CERS6: variants seen among roughly 807,000 people sequenced by gnomAD.
The protein encoded by CERS6 is ceramide synthase 6.
CERS6 carries 26 observed loss-of-function variants against 56.8 expected under a neutral mutation model. That is an observed-to-expected ratio of 0.46 (90% CI 0.34 to 0.63). CERS6 has a LOEUF of 0.63. Among genes scored for constraint, CERS6 ranks in the 30% least tolerant of loss-of-function variants. The pLI, the probability that CERS6 is intolerant of heterozygous loss-of-function variation, is 0.01. For synonymous variants in CERS6, 164 were observed against 173.3 expected, an observed-to-expected ratio of 0.95 and a Z score of 0.42; for missense variants, 415 against 467.5, an observed-to-expected ratio of 0.89 and a Z score of 1.04.
chr2:168,655,846 A>G (rs900399431), intron 4 of CERS6, among the ~76,000 whole-genome samples: 2 of 152,228 alleles, frequency 1.3e-5, no homozygotes, highest in Non-Finnish European at 2.9e-5. Context: ...TTTTTGTTAA[A>G]TAAGTAGATC....
chr2:168,670,973 C>A (rs529240287), intron 4 of CERS6, among the ~76,000 whole-genome samples: 2,380 of 65,844 alleles, frequency 0.036, 285 homozygotes, highest in African/African-American at 0.064. Context: ...GCTTCCCCCC[C>A]CCCCCCCAGA....
rs577578883 is a variant in CERS6, at chr2:168,471,513, A to C, written c.170+14895A>C. On this transcript the variant is annotated intron_variant, in intron 1 of 9. Coordinates refer to ENST00000305747, the MANE Select transcript of CERS6 (RefSeq NM_203463.3). ...GTTTTAGGCTGTTTTTCTGATTTCT[A>C]AAAAGGAAATAAATTTGAGTTATTT... 7.8e-4 allele frequency among the ~76,000 whole-genome samples: 119 copies of C among 152,070 alleles called. 1 individual carries two copies. The highest frequency in any genetic ancestry group is 2.3e-3 in the African/African-American group (95 of 41,550).
intron 4 of CERS6, among the ~76,000 whole-genome samples, chr2:168,682,052 G>T (rs969593103): frequency 2.0e-5 from 3 of 151,958 alleles, no homozygotes; most frequent in Admixed American, 1.3e-4. Context: ...CCATATCTTG[G>T]CTATTGTGAA....
chr2:168,756,466 A>G (rs1684418728), intron 8 of CERS6, among the ~76,000 whole-genome samples: 1 of 152,236 alleles, frequency 6.6e-6, no homozygotes, highest in Admixed American at 6.5e-5. Flanking sequence ...ATTTTCAGTA[A>G]TGGAGACAAT....
chr2:168,682,599 T>C (rs140390657), intron 4 of CERS6, among the ~76,000 whole-genome samples: 58 of 152,276 alleles, frequency 3.8e-4, no homozygotes, highest in African/African-American at 1.2e-3. Flanking sequence ...ATTTCTGCTC[T>C]TTCTCCAGAG....
At chr2:168,657,732 A>G (rs1574135649) in intron 4 of CERS6, among the ~76,000 whole-genome samples, 1 of 152,196 alleles carries the variant, frequency 6.6e-6, no homozygotes, top group Admixed American at 6.5e-5. Context: ...GGCTGCTCCG[A>G]GTGCGGGGCC....
At chr2:168,694,919 A>G (rs770975819) in intron 5 of CERS6, 40 bp from the exon 6 acceptor site, 3 of 1,520,834 alleles carry the variant, frequency 2.0e-6, no homozygotes, top group African/African-American at 2.8e-5. Flanking sequence ...TGGGTTCCCT[A>G]TTAACTACTA....
chr2:168,768,652 T>C (rs1684782903), intron 9 of CERS6, among the ~76,000 whole-genome samples: 1 of 152,048 alleles, frequency 6.6e-6, no homozygotes, highest in African/African-American at 2.4e-5. Flanking sequence ...ACACCTGTAA[T>C]CCCAACACTT....
At chr2:168,563,169 G>GC (rs1309663259) in intron 3 of CERS6, among the ~76,000 whole-genome samples, 1 of 152,164 alleles carries the variant, frequency 6.6e-6, no homozygotes, top group Non-Finnish European at 1.5e-5. Context: ...TGGGATGGCA[G>GC]CATTTTTAAC....
intron 1 of CERS6, among the ~76,000 whole-genome samples, chr2:168,496,731 G>A (rs1351487925): frequency 6.6e-6 from 1 of 152,140 alleles, no homozygotes; most frequent in Admixed American, 6.6e-5. Flanking sequence ...CTTGTTTCTA[G>A]TAGTAGCTCT....
intron 4 of CERS6, among the ~76,000 whole-genome samples, chr2:168,645,136 T>TAG (rs1685155810): frequency 5.6e-5 from 2 of 35,492 alleles, no homozygotes; most frequent in African/African-American, 1.4e-4. Flanking sequence ...TATATATATA[T>TAG]ATATATAGAG....
intron 8 of CERS6, among the ~76,000 whole-genome samples, chr2:168,756,681 C>T (rs1229865062): frequency 2.6e-5 from 4 of 152,118 alleles, no homozygotes; most frequent in Non-Finnish European, 4.4e-5. Context: ...GATGTGTGTC[C>T]TCCATCATAA....
At chr2:168,524,780 C>T (rs927260885) in intron 1 of CERS6, among the ~76,000 whole-genome samples, 2 of 151,780 alleles carry the variant, frequency 1.3e-5, no homozygotes, top group Non-Finnish European at 2.9e-5. Flanking sequence ...ACACATCTCT[C>T]TTTAAAAAGG....
intron 3 of CERS6, among the ~76,000 whole-genome samples, chr2:168,596,082 CA>C (rs11416261): frequency 3.1e-4 from 43 of 138,820 alleles, no homozygotes; most frequent in Non-Finnish European, 3.6e-4. Context: ...GACCCTGTCT[CA>C]AAAAAAAAAA....
chr2:168,550,090 C>CA (rs1215514104), intron 2 of CERS6, among the ~76,000 whole-genome samples: 2 of 152,126 alleles, frequency 1.3e-5, no homozygotes, highest in Non-Finnish European at 2.9e-5. Context: ...TCAAAAAGCA[C>CA]AAAAAAAGTG....
At chr2:168,680,955 A>T (rs1377529392) in intron 4 of CERS6, among the ~76,000 whole-genome samples, 1 of 152,222 alleles carries the variant, frequency 6.6e-6, no homozygotes, top group Non-Finnish European at 1.5e-5. Context: ...TGTAGCATGT[A>T]ATGTAATTGT....
At chr2:168,527,600 G>T (rs1039484589) in intron 1 of CERS6, among the ~76,000 whole-genome samples, 2 of 152,170 alleles carry the variant, frequency 1.3e-5, no homozygotes, top group African/African-American at 4.8e-5. Flanking sequence ...TAAGGGCCAA[G>T]TCTCTGCTTC....
At chr2:168,679,321 G>C (rs1036255991) in intron 4 of CERS6, among the ~76,000 whole-genome samples, 1 of 152,158 alleles carries the variant, frequency 6.6e-6, no homozygotes, top group African/African-American at 2.4e-5. Context: ...AGGCTTTTGA[G>C]TGGTTTCACC....
At chr2:168,729,838 C>T (rs1340982520) in intron 8 of CERS6, among the ~76,000 whole-genome samples, 1 of 152,184 alleles carries the variant, frequency 6.6e-6, no homozygotes, top group African/African-American at 2.4e-5. Context: ...TTCACAAATT[C>T]CTCATAGATA....
Sources: allele counts gnomAD v4.1 joint callset (sites outside exome capture counted in the v4.1 genomes callset), GRCh38; gene constraint gnomAD v4.1.1; transcripts MANE v1.5; gene names NCBI Gene and HGNC (gene_info 2026-07-23, HGNC 2026-07-21).